Variants in NCALD observed in about 807,000 individuals in gnomAD.
The protein encoded by NCALD is neurocalcin delta, also known as neurocalcin-delta.
Under a neutral mutation model 18.6 loss-of-function variants are expected in NCALD, and 10 were observed. The observed-to-expected ratio is 0.54, with a 90% CI of 0.33 to 0.91. NCALD has a LOEUF of 0.91. Ranked by LOEUF, NCALD falls within the 40% of genes least tolerant of loss-of-function variation. The probability of loss-of-function intolerance (pLI) is 0.03; values close to 1 mark genes in which losing one functional copy is unlikely to be tolerated. For missense variants in NCALD, 184 were observed against 247.6 expected, an observed-to-expected ratio of 0.74 and a Z score of 1.72; for synonymous variants, 88 against 87.4, an observed-to-expected ratio of 1.01 and a Z score of -0.04.
intron 2 of NCALD, among the ~76,000 whole-genome samples, chr8:101,941,134 A>G (rs945066874): frequency 2.6e-5 from 4 of 152,204 alleles, no homozygotes; most frequent in African/African-American, 9.6e-5. Context: ...AAAGTAGTCT[A>G]TGTTTCTCTA....
chr8:101,692,650 C>T, intron 3 of NCALD, 141 bp downstream of exon 3: 3 of 1,379,542 alleles, frequency 2.2e-6, no homozygotes, highest in Non-Finnish European at 2.9e-6. Flanking sequence ...CCACCTGGTC[C>T]TCTCCCCTCC....
intron 4 of NCALD, among the ~76,000 whole-genome samples, chr8:101,812,957 G>C (rs1446335054): frequency 3.9e-5 from 6 of 151,916 alleles, no homozygotes; most frequent in African/African-American, 1.5e-4. Flanking sequence ...ACTGACTCCT[G>C]AAAATGGAAA....
At chr8:101,928,783 T>C (rs1032747951) in intron 2 of NCALD, among the ~76,000 whole-genome samples, 1 of 152,206 alleles carries the variant, frequency 6.6e-6, no homozygotes, top group East Asian at 1.9e-4. Flanking sequence ...TTAGTTTAGA[T>C]TGAGAAACCT....
intron 3 of NCALD, among the ~76,000 whole-genome samples, chr8:101,894,993 A>C (rs1227427588): frequency 6.6e-6 from 1 of 150,764 alleles, no homozygotes; most frequent in Non-Finnish European, 1.5e-5. Flanking sequence ...AAAAGAGGGA[A>C]TCCTCCCTAA....
At chr8:101,934,901 T>A (rs1306064777) in intron 2 of NCALD, among the ~76,000 whole-genome samples, 1 of 152,132 alleles carries the variant, frequency 6.6e-6, no homozygotes, top group Non-Finnish European at 1.5e-5. Flanking sequence ...TGGGCCATCC[T>A]CCTCAGACTT....
chr8:101,757,277 GTT>G (rs749876371), intron 1 of NCALD, among the ~76,000 whole-genome samples: 1 of 152,148 alleles, frequency 6.6e-6, no homozygotes, highest in South Asian at 2.1e-4. Context: ...TCAAGTACTA[GTT>G]TCTCTTTTAA....
At chr8:101,760,024 G>A (rs1349757698) in intron 1 of NCALD, among the ~76,000 whole-genome samples, 1 of 152,152 alleles carries the variant, frequency 6.6e-6, no homozygotes, top group Non-Finnish European at 1.5e-5. Context: ...CAAAGATGGT[G>A]GGCAATAAAC....
chr8:102,100,341 A>T (rs749546030), intron 1 of NCALD, among the ~76,000 whole-genome samples: 1 of 152,238 alleles, frequency 6.6e-6, no homozygotes, highest in Non-Finnish European at 1.5e-5. Context: ...TCTTTTATTA[A>T]TGTGACATTA....
chr8:101,897,808 T>C (rs1332402946), intron 3 of NCALD, among the ~76,000 whole-genome samples: 1 of 152,200 alleles, frequency 6.6e-6, no homozygotes, highest in Non-Finnish European at 1.5e-5. Flanking sequence ...TTTTTTTGCA[T>C]CCTCACCAGC....
chr8:102,036,754 G>A (rs1050510958), intron 1 of NCALD, among the ~76,000 whole-genome samples: 1 of 151,938 alleles, frequency 6.6e-6, no homozygotes, highest in Non-Finnish European at 1.5e-5. Context: ...CAGCCTGGGT[G>A]ATATCTCAAA....
intron 3 of NCALD, among the ~76,000 whole-genome samples, chr8:101,914,302 G>C (rs1369173046): frequency 1.3e-5 from 2 of 152,170 alleles, no homozygotes; most frequent in Non-Finnish European, 2.9e-5. Flanking sequence ...CTTAGATCAA[G>C]TATTTTGGGG....
intron 4 of NCALD, among the ~76,000 whole-genome samples, chr8:101,834,020 C>A (rs1486753315): frequency 6.6e-6 from 1 of 152,090 alleles, no homozygotes; most frequent in African/African-American, 2.4e-5. Context: ...TTTATAATAG[C>A]CCTAGGGAAA....
chr8:101,902,828 G>T (rs1026786173), intron 3 of NCALD, among the ~76,000 whole-genome samples: 3 of 152,130 alleles, frequency 2.0e-5, no homozygotes, highest in Non-Finnish European at 4.4e-5. Flanking sequence ...TTGTGCACAT[G>T]TGTGGATTCC....
At chr8:102,094,222 C>CT (rs1400589072) in intron 1 of NCALD, among the ~76,000 whole-genome samples, 1 of 152,128 alleles carries the variant, frequency 6.6e-6, no homozygotes, top group Non-Finnish European at 1.5e-5. Flanking sequence ...ATTAAGAATA[C>CT]TATGAAATTT....
At chr8:101,862,408 A>G (rs1815580067) in intron 4 of NCALD, among the ~76,000 whole-genome samples, 1 of 152,146 alleles carries the variant, frequency 6.6e-6, no homozygotes, top group Non-Finnish European at 1.5e-5. Context: ...TTCCAAATGA[A>G]TGGTGTTTTA....
intron 1 of NCALD, among the ~76,000 whole-genome samples, chr8:102,055,623 T>C (rs1482853879): frequency 2.0e-5 from 3 of 152,262 alleles, no homozygotes; most frequent in African/African-American, 7.2e-5. Context: ...GAATAGTCCA[T>C]TGACTCAGAC....
chr8:101,851,704 TC>T (rs1216451329), intron 4 of NCALD, among the ~76,000 whole-genome samples: 8 of 152,086 alleles, frequency 5.3e-5, no homozygotes, highest in Non-Finnish European at 1.2e-4. Context: ...ACCTCCTGGA[TC>T]CTTTGGGTTA....
At chr8:101,996,643 C>A (rs1172412774) in intron 2 of NCALD, among the ~76,000 whole-genome samples, 1 of 152,154 alleles carries the variant, frequency 6.6e-6, no homozygotes, top group Non-Finnish European at 1.5e-5. Context: ...GTCATCTTGA[C>A]AAGTCAGGGC....
chr8:101,979,738 A>G (rs1399073096), intron 2 of NCALD, among the ~76,000 whole-genome samples: 1 of 152,224 alleles, frequency 6.6e-6, no homozygotes, highest in Non-Finnish European at 1.5e-5. Flanking sequence ...TAACAGCTCA[A>G]ATCATTATAA....
Sources: gnomAD v4.1 joint callset for allele counts (sites outside exome capture counted in the v4.1 genomes callset) on GRCh38, gnomAD v4.1.1 for gene constraint, MANE v1.5 for transcripts, NCBI Gene and HGNC (gene_info 2026-07-23, HGNC 2026-07-21) for gene names.